INSL6: variants seen among roughly 807,000 people sequenced by gnomAD.
The protein encoded by INSL6 is insulin-like peptide INSL6.
In INSL6, 16 loss-of-function variants were observed where a neutral mutation model predicts 9.4. The ratio of observed to expected loss-of-function variants is 1.70; its 90% CI spans 1.15 to 2.59. INSL6 has a LOEUF of 2.59. INSL6 is among the 30% of genes most tolerant of loss of function. The probability of loss-of-function intolerance (pLI) is 0.00; values close to 1 mark genes in which losing one functional copy is unlikely to be tolerated. For synonymous variants in INSL6, 154 were observed against 96.9 expected (o/e 1.59, Z -3.46); for missense variants, 391 against 257.3 (o/e 1.52, Z -3.56).
At chr9:5,055,697 A>T in the INSL6 span, 5 of 1,584,300 alleles carry the variant, frequency 3.2e-6, no homozygotes, top group Non-Finnish European at 4.3e-6. Context: ...GATTTTCCTA[A>T]TATTATTGAT....
At chr9:5,133,318 A>C (rs1824326450) in intron 3 of INSL6, 1 of 152,176 alleles carries the variant, frequency 6.6e-6, no homozygotes, top group African/African-American at 2.4e-5. Flanking sequence ...AATAACCTCA[A>C]TATGATAAGC....
the INSL6 span, among the ~76,000 whole-genome samples, chr9:5,048,729 A>G: frequency 6.6e-6 from 1 of 152,216 alleles, no homozygotes; most frequent in Non-Finnish European, 1.5e-5. Context: ...AAGCAAATAT[A>G]CTTTTAAATA....
chr9:5,118,346 T>C, the INSL6 span, among the ~76,000 whole-genome samples: 84 of 152,360 alleles, frequency 5.5e-4, no homozygotes, highest in African/African-American at 1.9e-3. Flanking sequence ...ATTTGGATAA[T>C]CTTATGATCA....
the INSL6 span, chr9:5,111,243 G>C: frequency 1.8e-6 from 1 of 548,000 alleles, no homozygotes; most frequent in East Asian, 4.4e-5. Context: ...TTCCTCCTTT[G>C]GTAGAGACGC....
At chr9:5,010,741 C>T in the INSL6 span, among the ~76,000 whole-genome samples, 2 of 152,246 alleles carry the variant, frequency 1.3e-5, no homozygotes, top group East Asian at 3.9e-4. Flanking sequence ...GTAATATTTC[C>T]TTTAATCCAC....
chr9:5,101,648 G>C, the INSL6 span, among the ~76,000 whole-genome samples: 1 of 152,208 alleles, frequency 6.6e-6, no homozygotes, highest in African/African-American at 2.4e-5. Flanking sequence ...ACCTCATACA[G>C]GTGGGTGCCT....
the INSL6 span, among the ~76,000 whole-genome samples, chr9:5,080,966 G>A: frequency 2.1e-5 from 3 of 144,352 alleles, no homozygotes; most frequent in African/African-American, 7.8e-5. Flanking sequence ...CGCGATCTCG[G>A]CTCACTGCAA....
the INSL6 span, among the ~76,000 whole-genome samples, chr9:5,116,841 G>A: frequency 6.6e-6 from 1 of 152,190 alleles, no homozygotes; most frequent in African/African-American, 2.4e-5. Context: ...AAAGTCATAT[G>A]TATAATATGG....
intron 1 of INSL6, among the ~76,000 whole-genome samples, chr9:5,164,809 CT>C (rs1792170545): frequency 6.6e-6 from 1 of 152,210 alleles, no homozygotes; most frequent in Admixed American, 6.5e-5. Context: ...TAGCATGTAT[CT>C]TTTTATGGCT....
the INSL6 span, among the ~76,000 whole-genome samples, chr9:5,006,344 T>A: frequency 8.3e-3 from 1,265 of 152,332 alleles, 14 homozygotes; most frequent in African/African-American, 0.029. Context: ...TGATTTTGTA[T>A]GCTGAGACTT....
downstream of INSL6, among the ~76,000 whole-genome samples, chr9:5,162,618 C>T (rs1327915033): frequency 6.6e-6 from 1 of 152,118 alleles, no homozygotes; most frequent in African/African-American, 2.4e-5. Flanking sequence ...ACCACTGAAC[C>T]GTAATATAAT....
At chr9:5,026,580 A>G in the INSL6 span, among the ~76,000 whole-genome samples, 1,315 of 152,326 alleles carry the variant, frequency 8.6e-3, 16 homozygotes, top group African/African-American at 0.03. Flanking sequence ...TTAAATATAT[A>G]GGATTAAAAA....
chr9:5,180,300 A>C (rs1445977390), intron 1 of INSL6, among the ~76,000 whole-genome samples: 2 of 152,364 alleles, frequency 1.3e-5, no homozygotes, highest in East Asian at 3.9e-4. Flanking sequence ...GTGTTTGAAC[A>C]ATATGAAATC....
exon 4 of INSL6, among the ~76,000 whole-genome samples, chr9:5,124,171 CTGT>C (rs1179399497): frequency 1.3e-5 from 2 of 151,784 alleles, no homozygotes; most frequent in African/African-American, 4.8e-5. Flanking sequence ...TCTGTTCATT[CTGT>C]TGATTATTGA....
chr9:5,173,971 T>C (rs1326534990), intron 1 of INSL6, among the ~76,000 whole-genome samples: 1 of 152,134 alleles, frequency 6.6e-6, no homozygotes, highest in South Asian at 2.1e-4. Flanking sequence ...AATTTTTAAA[T>C]TCATCTCTTA....
chr9:5,106,693 A>G, the INSL6 span, among the ~76,000 whole-genome samples: 19 of 152,310 alleles, frequency 1.2e-4, no homozygotes, highest in African/African-American at 3.4e-4. Context: ...ATATGCCACA[A>G]ATATCCCAAG....
At chr9:5,000,764 T>A in the INSL6 span, among the ~76,000 whole-genome samples, 1 of 152,224 alleles carries the variant, frequency 6.6e-6, no homozygotes. Flanking sequence ...GATACCATCT[T>A]CTTGTTTGAT....
intron 2 of INSL6, among the ~76,000 whole-genome samples, chr9:5,153,177 TGTCA>T (rs1824745070): frequency 6.6e-6 from 1 of 151,762 alleles, no homozygotes; most frequent in African/African-American, 2.4e-5. Context: ...GCGCCTGGAA[TGTCA>T]GTGAGACAGA....
chr9:5,155,006 C>T (rs1175993212), intron 2 of INSL6, among the ~76,000 whole-genome samples: 3 of 151,890 alleles, frequency 2.0e-5, no homozygotes, highest in Non-Finnish European at 4.4e-5. Flanking sequence ...AATCATGCTG[C>T]TATAAAGACA....
Sources: allele counts gnomAD v4.1 joint callset (sites outside exome capture counted in the v4.1 genomes callset), GRCh38; gene constraint gnomAD v4.1.1; transcripts MANE v1.5; gene names NCBI Gene and HGNC (gene_info 2026-07-23, HGNC 2026-07-21).